PSMA1: variants seen among roughly 807,000 people sequenced by gnomAD.
The protein encoded by PSMA1 is proteasome subunit alpha type-1.
A neutral mutation model predicts 38.4 loss-of-function variants in PSMA1; 3 were observed. The ratio of observed to expected loss-of-function variants is 0.08; its 90% CI spans 0.04 to 0.20. The LOEUF is 0.20. Ranked by LOEUF, PSMA1 falls within the 10% of genes least tolerant of loss-of-function variation. The pLI is 1.00. For missense variants in PSMA1, 227 were observed against 325.3 expected, an observed-to-expected ratio of 0.70 and a Z score of 2.32; for synonymous variants, 101 against 107.1, an observed-to-expected ratio of 0.94 and a Z score of 0.35.
intron 1 of PSMA1, among the ~76,000 whole-genome samples, chr11:14,631,385 C>T (rs1853008151): frequency 1.3e-5 from 2 of 152,068 alleles, no homozygotes; most frequent in African/African-American, 4.8e-5. Context: ...TCGTTGGTTT[C>T]AAAGAACATC....
At chr11:14,591,410 G>A (rs950731091) in intron 2 of PSMA1, among the ~76,000 whole-genome samples, 6 of 152,188 alleles carry the variant, frequency 3.9e-5, no homozygotes, top group African/African-American at 9.6e-5. Flanking sequence ...GCTCCAGGGC[G>A]CCCAGTCCCA....
intron 1 of PSMA1, among the ~76,000 whole-genome samples, chr11:14,634,006 G>A (rs915335183): frequency 5.8e-4 from 88 of 152,252 alleles, no homozygotes; most frequent in African/African-American, 2.0e-3. Flanking sequence ...CTCGTGCACG[G>A]TGTGCACACC....
At position 14,583,323 on chromosome 11, in the gene PSMA1, T is replaced by C. The variant is rs1852304611; in HGVS notation, c.21+27643A>G. Among the ~76,000 whole-genome samples the C allele has an allele frequency of 4.6e-5, 7 of 152,202 alleles. 1 individual carries two copies. In the South Asian group the frequency reaches 1.4e-3, roughly 31 times the overall value. ...AGGCCTAAATTATGAATAAATTCCA[T>C]TGACGTCAGGCCGTTTGTACATCCA... On this transcript the variant is annotated intron_variant, in intron 2 of 10. Coordinates refer to the PSMA1 transcript ENST00000418988.
Position 14,534,745 on chromosome 11 carries a change from G to T in PSMA1, c.22-15704C>A, listed in dbSNP as rs1851683896. Among the ~76,000 whole-genome samples the T allele has an allele frequency of 6.6e-6, 1 of 150,762 alleles. No homozygotes were observed. The highest frequency in any genetic ancestry group is 1.5e-5 in the Non-Finnish European group (1 of 67,724). ...TATGTGTAACATGTATATACATCGT[G>T]TGTACATATGCATATTTAAAAAAAT... On this transcript the variant is annotated intron_variant, in intron 2 of 10. Transcript: ENST00000418988. The surrounding 1 kb of genome is among the most constrained non-coding windows in gnomAD (Gnocchi z 4.5).
chr11:14,507,091 T>C (rs1007173812), intron 9 of PSMA1, among the ~76,000 whole-genome samples: 1 of 152,326 alleles, frequency 6.6e-6, no homozygotes, highest in Admixed American at 6.5e-5. Flanking sequence ...GTAGTGTTTG[T>C]TGTTCTAGCC....
intron 2 of PSMA1, among the ~76,000 whole-genome samples, chr11:14,556,477 C>T (rs1851942135): frequency 6.6e-6 from 1 of 151,962 alleles, no homozygotes; most frequent in African/African-American, 2.4e-5. Flanking sequence ...GATGATACAC[C>T]TTAGAATAGT....
At chr11:14,538,912 C>T (rs1851741094) in intron 2 of PSMA1, among the ~76,000 whole-genome samples, 1 of 152,260 alleles carries the variant, frequency 6.6e-6, no homozygotes, top group Admixed American at 6.5e-5. Flanking sequence ...ACAAGACTTA[C>T]ATTTAGCAAA....
intron 1 of PSMA1, among the ~76,000 whole-genome samples, chr11:14,631,609 G>A (rs1445694166): frequency 6.6e-6 from 1 of 152,138 alleles, no homozygotes; most frequent in Non-Finnish European, 1.5e-5. Context: ...TTTGGAATAG[G>A]TGTGGTGTGG....
intron 2 of PSMA1, among the ~76,000 whole-genome samples, chr11:14,590,804 G>A (rs1163647486): frequency 6.6e-6 from 1 of 152,306 alleles, no homozygotes; most frequent in African/African-American, 2.4e-5. Flanking sequence ...TGACCGGGAC[G>A]AGGCCATACT....
chr11:14,592,451 T>C (rs1183942217), intron 2 of PSMA1, among the ~76,000 whole-genome samples: 3 of 151,752 alleles, frequency 2.0e-5, no homozygotes, highest in African/African-American at 7.3e-5. Flanking sequence ...AGTGGTGCAA[T>C]CTCTGCTCAC....
chr11:14,632,576 C>A (rs1325369358), intron 1 of PSMA1, among the ~76,000 whole-genome samples: 1 of 151,398 alleles, frequency 6.6e-6, no homozygotes, highest in African/African-American at 2.4e-5. Context: ...GTAACCCGAC[C>A]TTTCTCTTTG....
chr11:14,504,883 C>A lies in PSMA1; in HGVS notation c.*309G>T, dbSNP rs561177936. The stretch of plus-strand genomic sequence containing the variant: ...AAAAACAAAAACCCAATATACCAGG[C>A]GGTGAAACAATTTTATTTCACAGTT... On this transcript the variant is annotated 3_prime_UTR_variant, in exon 10 of 10. Coordinates refer to ENST00000396394, the MANE Select transcript of PSMA1 (RefSeq NM_002786.4). 3.7e-6 allele frequency: 1 copy of A among 269,498 alleles called. No individual in the cohort carries two copies. Among genetic ancestry groups the A allele is most frequent in the Admixed American group, 4.8e-5 (1 of 20,846 alleles). The allele number at this position is 269,498 out of a possible 1,614,324, so 16.7% of individuals were successfully genotyped here.
chr11:14,591,183 C>T (rs892931077), intron 2 of PSMA1, among the ~76,000 whole-genome samples: 1 of 152,228 alleles, frequency 6.6e-6, no homozygotes, highest in African/African-American at 2.4e-5. Flanking sequence ...CGGCCCTGGG[C>T]AGTGAGGGAC....
At chr11:14,574,073 T>C (rs1852182933) in intron 2 of PSMA1, among the ~76,000 whole-genome samples, 1 of 152,062 alleles carries the variant, frequency 6.6e-6, no homozygotes, top group African/African-American at 2.4e-5. Context: ...AAGCAGAGTA[T>C]AAAAGTTTGG....
At chr11:14,531,714 C>T (rs955973106) in intron 2 of PSMA1, among the ~76,000 whole-genome samples, 5 of 152,152 alleles carry the variant, frequency 3.3e-5, no homozygotes, top group African/African-American at 1.2e-4. Flanking sequence ...CCTGTCTTCA[C>T]CTCCCAAAGT....
intron 2 of PSMA1, among the ~76,000 whole-genome samples, chr11:14,536,577 C>T (rs1487839829): frequency 6.6e-6 from 1 of 151,584 alleles, no homozygotes; most frequent in Non-Finnish European, 1.5e-5. Context: ...ATATTTCTTC[C>T]TCTAATAGGA....
At chr11:14,521,301 T>TAAG (rs1851523578), upstream of PSMA1, among the ~76,000 whole-genome samples, 1 of 90,502 alleles carries the variant, frequency 1.1e-5, no homozygotes, top group African/African-American at 4.1e-5. Context: ...GTCGCTACAA[T>TAAG]AATAATAAGA....
intron 1 of PSMA1, among the ~76,000 whole-genome samples, chr11:14,613,981 T>C (rs1852738962): frequency 6.6e-6 from 1 of 152,210 alleles, no homozygotes; most frequent in South Asian, 2.1e-4. Context: ...CAGTAAATAT[T>C]TATATTGAAC....
chr11:14,606,512 T>A (rs534440100), intron 2 of PSMA1, among the ~76,000 whole-genome samples: 1 of 152,036 alleles, frequency 6.6e-6, no homozygotes, highest in Non-Finnish European at 1.5e-5. Context: ...AATTTAATAG[T>A]TTAAAAACCT....
Sources: gnomAD v4.1 joint callset for allele counts (sites outside exome capture counted in the v4.1 genomes callset) on GRCh38, gnomAD v4.1.1 for gene constraint, Gnocchi (gnomAD v3.1) non-coding constraint, MANE v1.5 for transcripts, NCBI Gene and HGNC (gene_info 2026-07-23, HGNC 2026-07-21) for gene names.